FFAR4: variants seen among roughly 807,000 people sequenced by gnomAD.
The protein encoded by FFAR4 is free fatty acid receptor 4, also known as G-protein coupled receptor 120.
In FFAR4, 19 loss-of-function variants were observed where a neutral mutation model predicts 27.0. That is an observed-to-expected ratio of 0.70 (90% CI 0.49 to 1.03). The LOEUF (loss-of-function observed/expected upper bound fraction) is 1.03, where lower values mean the gene tolerates loss of function less well. Ranked by LOEUF, FFAR4 falls within the 50% of genes least tolerant of loss-of-function variation. The probability of loss-of-function intolerance (pLI) is 0.00; values close to 1 mark genes in which losing one functional copy is unlikely to be tolerated. For missense variants in FFAR4, 476 were observed against 479.0 expected, an observed-to-expected ratio of 0.99 and a Z score of 0.06; for synonymous variants, 254 against 215.6, an observed-to-expected ratio of 1.18 and a Z score of -1.56.
chr10:93,581,054 T>G (rs8181419), intron 2 of FFAR4, among the ~76,000 whole-genome samples: 37,556 of 152,060 alleles, frequency 0.25, 6,740 homozygotes, highest in African/African-American at 0.51. Flanking sequence ...TGTTTATTGA[T>G]CCCCCTCTCA....
At chr10:93,582,060 G>T (rs1253079973) in intron 2 of FFAR4, among the ~76,000 whole-genome samples, 1 of 152,142 alleles carries the variant, frequency 6.6e-6, no homozygotes, top group Admixed American at 6.5e-5. Context: ...TAATCTAAAA[G>T]CACATCAAGC....
chr10:93,575,881 C>T (rs1365181780), intron 1 of FFAR4, among the ~76,000 whole-genome samples: 1 of 152,114 alleles, frequency 6.6e-6, no homozygotes, highest in Non-Finnish European at 1.5e-5. Flanking sequence ...GAACAGAAAA[C>T]ATAATCATGG....
chr10:93,568,069 A>T (rs753027180), intron 1 of FFAR4, among the ~76,000 whole-genome samples: 1 of 152,156 alleles, frequency 6.6e-6, no homozygotes, highest in Non-Finnish European at 1.5e-5. Context: ...CCATGATCGG[A>T]ATAAGGTTCT....
intron 1 of FFAR4, among the ~76,000 whole-genome samples, chr10:93,568,216 T>A (rs764255549): frequency 6.6e-6 from 1 of 152,180 alleles, no homozygotes; most frequent in African/African-American, 2.4e-5. Context: ...AGAGGGAATC[T>A]AGACGCGGAG....
At chr10:93,573,231 G>A (rs975254398) in intron 1 of FFAR4, among the ~76,000 whole-genome samples, 15 of 152,218 alleles carry the variant, frequency 9.9e-5, no homozygotes, top group African/African-American at 2.7e-4. Flanking sequence ...CAGCCACCAC[G>A]TCTGGAGTCG....
chr10:93,579,627 G>A lies in FFAR4; in HGVS notation c.696+3408G>A, dbSNP rs115808187. ...CTACAATGCAAGCTCCATGAGAGCA[G>A]AGGTTTTGGTTTGTTCACTGCTATA... On this transcript the variant is annotated intron_variant, in intron 2 of 2. Coordinates refer to ENST00000371481, the MANE Select transcript of FFAR4 (RefSeq NM_001195755.2). Among the ~76,000 whole-genome samples the A allele has an allele frequency of 3.5e-3, 536 of 152,340 alleles. 2 individuals are homozygous for A. Among genetic ancestry groups the A allele is most frequent in the African/African-American group, 0.013 (522 of 41,584 alleles).
Position 93,566,737 on chromosome 10 carries a change from C to A in FFAR4, c.17C>A (p.Ala6Glu). ...GCGCCGGGAATGTCCCCTGAATGCGCGCGGGCAGCGGGCGACGCGCCCTTG... is the reference window on the plus strand; with the variant it reads ...GCGCCGGGAATGTCCCCTGAATGCGAGCGGGCAGCGGGCGACGCGCCCTTG... Reference protein sequence around the residue: MSPECARAAGDAPLRS... With the variant: MSPECERAAGDAPLRS... The change falls in exon 1 of 3, where the codon GCG becomes GAG. Residue 6 changes from alanine (A) to glutamate (E), a missense_variant. Transcript: ENST00000371481. 6.3e-7 allele frequency: 1 copy of A among 1,597,506 alleles called. No individual in the cohort carries two copies. The highest frequency in any genetic ancestry group is 8.5e-7 in the Non-Finnish European group (1 of 1,175,368).
chr10:93,575,317 A>G (rs2058157495), intron 1 of FFAR4, among the ~76,000 whole-genome samples: 1 of 152,218 alleles, frequency 6.6e-6, no homozygotes, highest in African/African-American at 2.4e-5. Context: ...TCATTGGCCT[A>G]TTTATTCATT....
chr10:93,571,719 T>G (rs1434073505), intron 1 of FFAR4, among the ~76,000 whole-genome samples: 1 of 152,210 alleles, frequency 6.6e-6, no homozygotes, highest in African/African-American at 2.4e-5. Flanking sequence ...AAAGGAAGCA[T>G]CTCTTGCATT....
Position 93,587,518 on chromosome 10 carries a change from A to G in FFAR4, c.995A>G (p.Lys332Arg). The G allele has an allele frequency of 3.7e-6, 6 of 1,614,084 alleles. No individual in the cohort carries two copies. Among genetic ancestry groups the G allele is most frequent in the Non-Finnish European group, 5.1e-6 (6 of 1,180,014 alleles). The change falls in exon 3 of 3, where the codon AAA becomes AGA. Residue 332 changes from lysine to arginine, a missense_variant. By Grantham distance (26) the Lys-to-Arg change is conservative. Coordinates refer to ENST00000371481, the MANE Select transcript of FFAR4 (RefSeq NM_001195755.2). The stretch of plus-strand genomic sequence containing the variant: ...ACACTGTGCAGGAATGAGTGGAAGA[A>G]AATTTTTTGCTGCTTCTGGTTCCCA... ...NMTLCRNEWK[K>R]IFCCFWFPEK... is the part of the protein sequence containing the mutation.
rs56306969 is a variant in FFAR4, at chr10:93,583,415, C to CAA, written c.697-3790_697-3789dup. On this transcript the variant is annotated intron_variant, in intron 2 of 2. Coordinates refer to ENST00000371481, the MANE Select transcript of FFAR4 (RefSeq NM_001195755.2). The stretch of plus-strand genomic sequence containing the variant: ...TGGGTGACAGAGCGAGACTCCGCTT[C>CAA]AAAAAAAAAAAAAAAAGTAGGACGC... Among the ~76,000 whole-genome samples, 7 of 111,198 alleles carry CAA rather than the reference C, an allele frequency of 6.3e-5. No individual in the cohort carries two copies. The East Asian group carries it at 8.4e-4, about 13-fold the overall frequency. The allele number at this position is 111,198 out of a possible 152,430, so 73.0% of individuals were successfully genotyped here.
chr10:93,571,189 A>G (rs990366260), intron 1 of FFAR4, among the ~76,000 whole-genome samples: 1 of 152,224 alleles, frequency 6.6e-6, no homozygotes, highest in Admixed American at 6.5e-5. Flanking sequence ...CTGCTTCAAC[A>G]GGATTCCAGC....
chr10:93,568,067 G>C (rs1206722971), intron 1 of FFAR4, among the ~76,000 whole-genome samples: 2 of 152,164 alleles, frequency 1.3e-5, no homozygotes, highest in Non-Finnish European at 2.9e-5. Flanking sequence ...GACCATGATC[G>C]GAATAAGGTT....
Position 93,567,277 on chromosome 10 carries a change from G to T in FFAR4, c.557G>T (p.Gly186Val). 1 of 1,598,794 alleles carries T rather than the reference G, an allele frequency of 6.3e-7. No homozygotes were observed. Among genetic ancestry groups the T allele is most frequent in the South Asian group, 1.1e-5 (1 of 90,904 alleles). Residue 186 changes from glycine (G) to valine (V), a missense_variant, in exon 1 of 3, where the codon GGC (glycine) becomes GTC (valine). Transcript: ENST00000371481. The stretch of plus-strand genomic sequence containing the variant: ...CGAGTCGTCCCGCAACGGCTCCCCG[G>T]CGCCGACCAGGTGAGCGCCCCTCTG... The part of the protein sequence containing the change: ...FFRVVPQRLP[G>V]ADQEISICTL...
At chr10:93,582,520 G>A (rs1439706877) in intron 2 of FFAR4, among the ~76,000 whole-genome samples, 1 of 147,866 alleles carries the variant, frequency 6.8e-6, no homozygotes, top group African/African-American at 2.5e-5. Context: ...CTCCAGCCTG[G>A]GCAACAAGAG....
At chr10:93,584,379 C>T (rs1177400712) in intron 2 of FFAR4, among the ~76,000 whole-genome samples, 1 of 152,158 alleles carries the variant, frequency 6.6e-6, no homozygotes, top group Non-Finnish European at 1.5e-5. Flanking sequence ...GGGGCTCTGA[C>T]CCTGTATTAT....
chr10:93,581,079 A>G (rs1376351201), intron 2 of FFAR4, among the ~76,000 whole-genome samples: 1 of 152,194 alleles, frequency 6.6e-6, no homozygotes, highest in African/African-American at 2.4e-5. Context: ...CCACATATGC[A>G]CCAGAATGGA....
intron 1 of FFAR4, among the ~76,000 whole-genome samples, chr10:93,573,360 G>T (rs781169959): frequency 6.6e-6 from 1 of 152,146 alleles, no homozygotes; most frequent in Non-Finnish European, 1.5e-5. Context: ...TTAAAATCAG[G>T]GGACATTTCA....
chr10:93,589,582 G>C lies in FFAR4; in HGVS notation c.*1973G>C, dbSNP rs1401317666. 7.0e-6 allele frequency: 1 copy of C among 143,030 alleles called. No homozygotes were observed. The highest frequency in any genetic ancestry group is 2.5e-5 in the African/African-American group (1 of 39,840). The allele number at this position is 143,030 out of a possible 1,614,324, so 8.9% of individuals were successfully genotyped here. A position where few individuals can be genotyped will look rare whatever the true frequency, so the allele number is the denominator to read the frequency against. ...GGATGGTGAAGCAGGCAACAAAAAT[G>C]GGGGGGCCTGGGCAAAGATTAGGGG... On this transcript the variant is annotated 3_prime_UTR_variant, in exon 3 of 3. Transcript: ENST00000371481.
Sources: allele counts gnomAD v4.1 joint callset (sites outside exome capture counted in the v4.1 genomes callset), GRCh38; gene constraint gnomAD v4.1.1; transcripts MANE v1.5; gene names NCBI Gene and HGNC (gene_info 2026-07-23, HGNC 2026-07-21).